ANK2: variants seen among roughly 807,000 people sequenced by gnomAD.
ANK2 encodes ankyrin-2.
Under a neutral mutation model 360.5 loss-of-function variants are expected in ANK2, and 83 were observed. The ratio of observed to expected loss-of-function variants is 0.23; its 90% CI spans 0.19 to 0.28. The LOEUF (loss-of-function observed/expected upper bound fraction) is 0.28. Among genes scored for constraint, ANK2 ranks in the 10% least tolerant of loss-of-function variants. The pLI, the probability that ANK2 is intolerant of heterozygous loss-of-function variation, is 1.00. For synonymous variants in ANK2, 1,740 were observed against 1,759.5 expected (o/e 0.99, Z 0.28); for missense variants, 4,201 against 4,795.7 (o/e 0.88, Z 3.66).
chr4:112,966,510 A>T (rs966238265), intron 2 of ANK2, among the ~76,000 whole-genome samples: 1 of 152,036 alleles, frequency 6.6e-6, no homozygotes, highest in African/African-American at 2.4e-5. Flanking sequence ...ATCATATATA[A>T]AAATTAATCT....
intron 1 of ANK2, among the ~76,000 whole-genome samples, chr4:113,168,578 T>C (rs925490294): frequency 2.0e-5 from 3 of 152,334 alleles, no homozygotes; most frequent in Middle Eastern, 3.4e-3. Flanking sequence ...TTAACCTGCA[T>C]GTTTGAGCCA....
intron 1 of ANK2, among the ~76,000 whole-genome samples, chr4:112,843,940 A>G (rs958830004): frequency 6.6e-6 from 1 of 152,204 alleles, no homozygotes; most frequent in African/African-American, 2.4e-5. Flanking sequence ...TCAAAACCTA[A>G]TGCTACAAAA....
chr4:112,853,385 A>G (rs1214576979), intron 1 of ANK2, among the ~76,000 whole-genome samples: 2 of 150,932 alleles, frequency 1.3e-5, no homozygotes, highest in Non-Finnish European at 2.9e-5. Flanking sequence ...TTTAATTTGT[A>G]GAGATGAGGT....
At position 112,878,155 on chromosome 4, in the gene ANK2, CATCT is replaced by C. The variant is rs10525579; in HGVS notation, c.-39-26275_-39-26272del. On this transcript the variant is annotated intron_variant, in intron 1 of 30. Coordinates refer to the ANK2 transcript ENST00000503271. ...CTAGCTTTTCCCCTAACTTTAGACT[CATCT>C]ATCTATCTATCTATCTATCTATCTC... Among the ~76,000 whole-genome samples, 14 of 147,642 alleles carry C rather than the reference CATCT, an allele frequency of 9.5e-5. No individual in the cohort carries two copies. In the South Asian group the frequency reaches 2.0e-3, roughly 21 times the overall value.
intron 8 of ANK2, among the ~76,000 whole-genome samples, chr4:113,241,682 A>T (rs192550368): frequency 6.6e-6 from 1 of 152,162 alleles, no homozygotes; most frequent in East Asian, 1.9e-4. Flanking sequence ...TTGGATATTA[A>T]TACCCAAATA....
chr4:113,026,508 G>C (rs1342115922), intron 2 of ANK2, among the ~76,000 whole-genome samples: 1 of 152,138 alleles, frequency 6.6e-6, no homozygotes, highest in Non-Finnish European at 1.5e-5. Flanking sequence ...ATCAACAACT[G>C]ATCATCAGAT....
At chr4:112,832,643 A>C (rs1443223929) in intron 1 of ANK2, among the ~76,000 whole-genome samples, 1 of 152,208 alleles carries the variant, frequency 6.6e-6, no homozygotes, top group African/African-American at 2.4e-5. Flanking sequence ...GAATAAACTA[A>C]GTCCTGTAAG....
intron 24 of ANK2, chr4:113,317,470 A>C (rs191342832): frequency 3.8e-4 from 205 of 546,348 alleles, no homozygotes; most frequent in Non-Finnish European, 6.2e-4. Context: ...AGGAGTATCA[A>C]ATTTTAACTT....
intron 20 of ANK2, among the ~76,000 whole-genome samples, chr4:113,288,688 C>G (rs1447483443): frequency 1.3e-5 from 2 of 152,148 alleles, no homozygotes; most frequent in Non-Finnish European, 1.5e-5. Flanking sequence ...TAGCTTCGAA[C>G]TACTTCTATT....
chr4:113,255,572 C>A (rs1253603107), intron 10 of ANK2, among the ~76,000 whole-genome samples, 163 bp from the exon 11 acceptor site: 1 of 152,056 alleles, frequency 6.6e-6, no homozygotes, highest in Middle Eastern at 3.4e-3. Context: ...TAGTGTTCAT[C>A]TCTGCGAAAT....
chr4:113,317,743 G>A lies in ANK2; in HGVS notation c.2730G>A (p.Leu910=), dbSNP rs754048038. The A allele has an allele frequency of 1.2e-6, 2 of 1,614,056 alleles. No homozygotes were observed. Among genetic ancestry groups the A allele is most frequent in the East Asian group, 4.5e-5 (2 of 44,886 alleles). Residue 910 remains leucine, a synonymous_variant, in exon 25 of 46, where the codon CTG becomes CTA. Coordinates refer to ENST00000357077, the MANE Select transcript of ANK2 (RefSeq NM_001148.6). ...TCAGTTCCGACAGGTCTCACACTCT[G>A]AGCCATGCCTCCTACCTGAGGGACA... ...RSFSSDRSHT[L]SHASYLRDSA... is the part of the protein sequence containing the mutation.
intron 9 of ANK2, among the ~76,000 whole-genome samples, chr4:113,247,391 A>G (rs1214414233): frequency 1.3e-5 from 2 of 152,312 alleles, no homozygotes; most frequent in South Asian, 2.1e-4. Context: ...TCATTCACAC[A>G]TCTTATAAGC....
At chr4:112,779,298 C>T in the ANK2 span, among the ~76,000 whole-genome samples, 1 of 152,092 alleles carries the variant, frequency 6.6e-6, no homozygotes, top group Non-Finnish European at 1.5e-5. Context: ...GCGGGCAGAT[C>T]ACAAGGTCAG....
rs987020315 is a variant in ANK2 at position 113,237,748 on chromosome 4, A to G, written c.693+126A>G. 6.0e-5 allele frequency: 54 copies of G among 894,542 alleles called. No individual in the cohort carries two copies. In the Middle Eastern group the frequency reaches 8.9e-4, roughly 15 times the overall value. 55.4% of individuals were successfully genotyped at this position (894,542 alleles called of 1,614,324 possible). A position where few individuals can be genotyped will look rare whatever the true frequency, so the allele number is the denominator to read the frequency against. ...TGATTAATGGGAAATTAATTTGAAA[A>G]CCTTCCCCATAATGAAGGCAAACTG... On this transcript the variant is annotated intron_variant, in intron 7 of 45. Coordinates refer to ENST00000357077, the MANE Select transcript of ANK2 (RefSeq NM_001148.6).
At chr4:113,264,402 A>T (rs1461961532) in intron 13 of ANK2, among the ~76,000 whole-genome samples, 1 of 152,208 alleles carries the variant, frequency 6.6e-6, no homozygotes, top group African/African-American at 2.4e-5. Context: ...GTAAAAGAAA[A>T]CTTCATCACC....
intron 1 of ANK2, among the ~76,000 whole-genome samples, chr4:113,117,885 G>C (rs1219669541): frequency 2.0e-5 from 3 of 152,068 alleles, no homozygotes; most frequent in Non-Finnish European, 2.9e-5. Context: ...AAGATTTTAT[G>C]TGCTCTCTTT....
intron 2 of ANK2, among the ~76,000 whole-genome samples, chr4:113,183,184 G>C (rs1292934718): frequency 2.6e-5 from 4 of 152,048 alleles, no homozygotes; most frequent in African/African-American, 9.7e-5. Flanking sequence ...AGCGAAATAT[G>C]ATTCTAGGTT....
At chr4:112,785,970 A>G in the ANK2 span, among the ~76,000 whole-genome samples, 3 of 151,882 alleles carry the variant, frequency 2.0e-5, no homozygotes, top group Non-Finnish European at 4.4e-5. Flanking sequence ...CCTCCAGAGT[A>G]GCTGGGATTA....
Position 113,354,300 on chromosome 4 carries a change from A to G in ANK2, c.5682A>G (p.Ser1894=). ...AAACTGAAAGGCACTCTCCTGTGTC[A>G]TCTACAAAAACAGAAAGACACCCAC... is the stretch of plus-strand genomic sequence containing the variant. ...STKTERHSPV[S]STKTERHPPV... Residue 1894 remains serine (S), a synonymous_variant, in exon 38 of 46, where the codon TCA becomes TCG. Coordinates refer to ENST00000357077, the MANE Select transcript of ANK2 (RefSeq NM_001148.6). The G allele has an allele frequency of 1.2e-6, 2 of 1,614,128 alleles. No individual in the cohort carries two copies. The highest frequency in any genetic ancestry group is 1.1e-5 in the South Asian group (1 of 91,078).
Sources: gnomAD v4.1 joint callset for allele counts (sites outside exome capture counted in the v4.1 genomes callset) on GRCh38, gnomAD v4.1.1 for gene constraint, MANE v1.5 for transcripts, NCBI Gene and HGNC (gene_info 2026-07-23, HGNC 2026-07-21) for gene names.